HIRA: variants seen among roughly 807,000 people sequenced by gnomAD.
HIRA encodes protein HIRA.
In HIRA, 13 loss-of-function variants were observed where a neutral mutation model predicts 126.6. The ratio of observed to expected loss-of-function variants is 0.10; its 90% CI spans 0.07 to 0.16. The LOEUF (loss-of-function observed/expected upper bound fraction) is 0.16. HIRA is among the 10% of genes least tolerant of loss of function. The pLI is 1.00. For synonymous variants in HIRA, 511 were observed against 520.0 expected (o/e 0.98, Z 0.24); for missense variants, 834 against 1,314.4 (o/e 0.63, Z 5.65).
chr22:19,370,533 C>A (rs2088955330), intron 15 of HIRA, among the ~76,000 whole-genome samples: 1 of 152,212 alleles, frequency 6.6e-6, no homozygotes, highest in Non-Finnish European at 1.5e-5. Context: ...CAGGCATGAG[C>A]CACTGCACCA....
Position 19,356,239 on chromosome 22 carries a change from T to C in HIRA, c.2446A>G (p.Ile816Val). Residue 816 changes from isoleucine (I) to valine (V), a missense_variant, in exon 20 of 25, where the codon ATC becomes GTC. Around this residue, in one of 5 missense-constraint regions of HIRA, gnomAD observed 468 missense variants for 574.2 expected, o/e 0.82. Transcript: ENST00000263208. ...CTGTTGCCTGCATTACCTGCCAGGA[T>C]GGAGTGTAGAGACTCTTCTTTCACC... The part of the protein sequence containing the change: ...VVVKEESLHS[I>V]LAGSDMTVSQ... 1 of 1,614,002 alleles carries C rather than the reference T, an allele frequency of 6.2e-7. No individual in the cohort carries two copies. Among genetic ancestry groups the C allele is most frequent in the Non-Finnish European group, 8.5e-7 (1 of 1,179,860 alleles).
chr22:19,359,455 C>T lies in HIRA; in HGVS notation c.2115G>A (p.Glu705=). ...CCACCACTGTCACTTCATTCTCCAC[C>T]TCAATGTACATGGAAGGATCGGAGC... is the stretch of plus-strand genomic sequence containing the variant. The part of the protein sequence containing the change: ...QVSSDPSMYI[E]VENEVTVVGG... The change falls in exon 18 of 25, where the codon GAG becomes GAA. Residue 705 remains glutamate, a synonymous_variant. Coordinates refer to ENST00000263208, the MANE Select transcript of HIRA (RefSeq NM_003325.4). The T allele has an allele frequency of 1.2e-6, 2 of 1,609,222 alleles. No individual in the cohort carries two copies. The highest frequency in any genetic ancestry group is 2.2e-5 in the East Asian group (1 of 44,568).
intron 24 of HIRA, among the ~76,000 whole-genome samples, chr22:19,342,113 CAAAT>C (rs782269454): frequency 9.9e-5 from 15 of 152,162 alleles, no homozygotes; most frequent in Non-Finnish European, 1.8e-4. Context: ...AAGATAAAAA[CAAAT>C]AACCCCATTA....
intron 13 of HIRA, among the ~76,000 whole-genome samples, chr22:19,382,868 G>A (rs182366334): frequency 2.3e-4 from 35 of 151,954 alleles, no homozygotes; most frequent in Admixed American, 2.2e-3. Context: ...ACAGCAAGTG[G>A]TGAATGAGTC....
At chr22:19,375,087 A>G (rs28360653) in intron 15 of HIRA, among the ~76,000 whole-genome samples, 12,743 of 152,224 alleles carry the variant, frequency 0.084, 667 homozygotes, top group Non-Finnish European at 0.13. Context: ...AAGAACTACA[A>G]CCTGCGTGAT....
intron 11 of HIRA, among the ~76,000 whole-genome samples, chr22:19,386,878 A>G (rs1023298068): frequency 1.3e-5 from 2 of 152,232 alleles, no homozygotes; most frequent in Non-Finnish European, 2.9e-5. Flanking sequence ...TGTAGTCATT[A>G]AGGCAGACCT....
chr22:19,379,524 C>A (rs994724839), intron 13 of HIRA, among the ~76,000 whole-genome samples: 1 of 150,062 alleles, frequency 6.7e-6, no homozygotes, highest in African/African-American at 2.4e-5. Flanking sequence ...ACTTGGGAGG[C>A]TGAGGCAGGA....
At chr22:19,334,270 C>T (rs1168186292) in intron 24 of HIRA, among the ~76,000 whole-genome samples, 3 of 151,548 alleles carry the variant, frequency 2.0e-5, no homozygotes, top group East Asian at 2.0e-4. Context: ...CCACTGCACC[C>T]GGCCCTCATT....
At chr22:19,405,709 C>A in intron 5 of HIRA, 77 bp downstream of exon 5, 1 of 1,116,966 alleles carries the variant, frequency 9.0e-7, no homozygotes, top group South Asian at 2.6e-5. Context: ...CAAACAGTCC[C>A]ACAGGGGACG....
chr22:19,337,420 G>A (rs2088579035), intron 24 of HIRA, among the ~76,000 whole-genome samples: 1 of 151,894 alleles, frequency 6.6e-6, no homozygotes, highest in African/African-American at 2.4e-5. Context: ...GAGAACTTCA[G>A]AATTCAAAGA....
In HIRA at chr22:19,387,798, G is replaced by A; in HGVS notation, c.1026C>T (p.Gly342=). 1 of 1,613,182 alleles carries A rather than the reference G, an allele frequency of 6.2e-7. No individual in the cohort carries two copies. The highest frequency in any genetic ancestry group is 8.5e-7 in the Non-Finnish European group (1 of 1,179,668). The change falls in exon 11 of 25, where the codon GGC becomes GGT. Residue 342 remains glycine, a synonymous_variant. Coordinates refer to ENST00000263208, the MANE Select transcript of HIRA (RefSeq NM_003325.4). ...MDISWTLNGL[G]ILVCSMDGSV... ...AGCCGTCCATAGAGCATACCAAGAT[G>A]CCCAGCCCATTCAGAGTCCTGAAAG... is the stretch of plus-strand genomic sequence containing the variant.
In HIRA at chr22:19,340,934, G is replaced by A. The variant is rs141541783; in HGVS notation, c.2938-9378C>T. Among the ~76,000 whole-genome samples the A allele has an allele frequency of 4.4e-3, 673 of 152,260 alleles. 2 individuals are homozygous for A. Among genetic ancestry groups the A allele is most frequent in the Non-Finnish European group, 7.6e-3 (517 of 68,016 alleles). ...AGGTAAAATTAAAAATGACCATACT[G>A]CTAAGAGCAATCTACAGATTCAATG... On this transcript the variant is annotated intron_variant, in intron 24 of 24. Transcript: ENST00000263208.
At chr22:19,388,384 G>A (rs2089147107) in intron 10 of HIRA, 100 bp downstream of exon 10, 3 of 864,986 alleles carry the variant, frequency 3.5e-6, no homozygotes, top group African/African-American at 1.7e-5. Flanking sequence ...CTGGGGAGGG[G>A]CCACTGGCCA....
chr22:19,427,674 G>A (rs536059410), intron 1 of HIRA, among the ~76,000 whole-genome samples: 9 of 152,320 alleles, frequency 5.9e-5, no homozygotes, highest in Admixed American at 5.9e-4. Context: ...AGGTGGACAA[G>A]AGCTCTTTCA....
chr22:19,409,288 CT>C (rs1556025180), intron 2 of HIRA, among the ~76,000 whole-genome samples: 197 of 145,230 alleles, frequency 1.4e-3, no homozygotes, highest in Admixed American at 1.3e-3. Context: ...GATTTCTTTT[CT>C]TTTTTTTTTT....
chr22:19,409,248 C>T (rs949051156), intron 2 of HIRA, among the ~76,000 whole-genome samples: 1 of 151,776 alleles, frequency 6.6e-6, no homozygotes. Flanking sequence ...TATTGCTCGG[C>T]TAAAAAATAT....
chr22:19,331,040 C>T lies in HIRA; in HGVS notation c.*400G>A. 1 of 829,692 alleles carries T rather than the reference C, an allele frequency of 1.2e-6. No individual in the cohort carries two copies. 51.4% of individuals were successfully genotyped at this position (829,692 alleles called of 1,614,324 possible). A position where few individuals can be genotyped will look rare whatever the true frequency, so the allele number is the denominator to read the frequency against. ...GTCTTAGGTCAGTCTGCTGTAATAC[C>T]TAACGCTTCCGGATTCTCTCTCACA... On this transcript the variant is annotated 3_prime_UTR_variant, in exon 25 of 25. Coordinates refer to ENST00000263208, the MANE Select transcript of HIRA (RefSeq NM_003325.4).
chr22:19,364,871 T>G (rs2088897958), intron 15 of HIRA, among the ~76,000 whole-genome samples: 1 of 152,180 alleles, frequency 6.6e-6, no homozygotes, highest in Non-Finnish European at 1.5e-5. Context: ...AAGCTATACC[T>G]TTTGCACCAG....
In HIRA at chr22:19,385,744, A is replaced by G. The variant is rs745417539; in HGVS notation, c.1114-8T>C. On this transcript the variant is annotated splice_region_variant and splice_polypyrimidine_tract_variant and intron_variant, in intron 11 of 24. Transcript: ENST00000263208. ...GGACTGGTGAATGCGGCTCTGGGGA[A>G]GCAAGGAGAGGCATGACATGCCAGC... The G allele has an allele frequency of 6.2e-7, 1 of 1,610,940 alleles. No homozygotes were observed. Among genetic ancestry groups the G allele is most frequent in the African/African-American group, 1.3e-5 (1 of 74,996 alleles).
Sources: gnomAD v4.1 joint callset for allele counts (sites outside exome capture counted in the v4.1 genomes callset) on GRCh38, gnomAD v4.1.1 for gene constraint, gnomAD v4.1.1 regional missense constraint, MANE v1.5 for transcripts, NCBI Gene and HGNC (gene_info 2026-07-23, HGNC 2026-07-21) for gene names.